The following SNRNP48 variants were observed in gnomAD, a reference collection of about 807,000 sequenced individuals.
SNRNP48 encodes small nuclear ribonucleoprotein U11/U12 subunit 48, also known as U11/U12 small nuclear ribonucleoprotein 48 kDa protein.
A neutral mutation model predicts 47.0 loss-of-function variants in SNRNP48; 43 were observed. The ratio of observed to expected loss-of-function variants is 0.92; its 90% CI spans 0.72 to 1.18. The LOEUF (loss-of-function observed/expected upper bound fraction) is 1.18. SNRNP48 is among the 50% of genes most tolerant of loss of function. SNRNP48 has a pLI of 0.00. For synonymous variants in SNRNP48, 138 were observed against 144.0 expected, an observed-to-expected ratio of 0.96 and a Z score of 0.30; for missense variants, 396 against 422.2, an observed-to-expected ratio of 0.94 and a Z score of 0.54.
At chr6:7,594,919 G>A in intron 3 of SNRNP48, 108 bp from the exon 4 acceptor site, 2 of 820,688 alleles carry the variant, frequency 2.4e-6, no homozygotes, top group Non-Finnish European at 3.8e-6. Flanking sequence ...TAAGATTCTG[G>A]AAGGTTTGTC....
At chr6:7,599,745 T>C in intron 4 of SNRNP48, 1 of 1,278,106 alleles carries the variant, frequency 7.8e-7, no homozygotes, top group Non-Finnish European at 1.0e-6. Flanking sequence ...AGTATCCTTT[T>C]TGCAAATGAT....
In SNRNP48 at chr6:7,595,072, T is replaced by C. The variant is rs564826028; in HGVS notation, c.377T>C (p.Val126Ala). 1.7e-5 allele frequency: 27 copies of C among 1,598,908 alleles called. No individual in the cohort carries two copies. The East Asian group carries it at 3.0e-4, about 17-fold the overall frequency. The change falls in exon 4 of 9, where the codon GTT becomes GCT. Residue 126 changes from valine (V) to alanine (A), a missense_variant. Val to Ala is a moderately conservative substitution (Grantham distance 64, BLOSUM62 0). Coordinates refer to ENST00000342415, the MANE Select transcript of SNRNP48 (RefSeq NM_152551.4). ...FQIIKQARTA[V>A]GKDSDCYNQR... ...ATAATTAAACAAGCTAGAACTGCAG[T>C]TGGGAAAGACAGTGATTGTTATAAT...
At chr6:7,603,431 C>T (rs1002761991) in intron 6 of SNRNP48, among the ~76,000 whole-genome samples, 20 of 152,066 alleles carry the variant, frequency 1.3e-4, no homozygotes, top group African/African-American at 3.6e-4. Flanking sequence ...TAATTGTTCC[C>T]GTATTATTTC....
chr6:7,590,250 C>G lies in SNRNP48; in HGVS notation c.-8C>G, dbSNP rs766479619. The G allele has an allele frequency of 7.7e-6, 10 of 1,307,128 alleles. No individual in the cohort carries two copies. Among genetic ancestry groups the G allele is most frequent in the Non-Finnish European group, 9.8e-6 (10 of 1,019,900 alleles). 81.0% of individuals were successfully genotyped at this position (1,307,128 alleles called of 1,614,324 possible). A position where few individuals can be genotyped will look rare whatever the true frequency, so the allele number is the denominator to read the frequency against. ...CGGCCGCTTCCTCTTGGCGGGTGGG[C>G]TGCAGCTATGGAGGGCGAGCCTCCA... On this transcript the variant is annotated 5_prime_UTR_variant, in exon 1 of 9. Coordinates refer to ENST00000342415, the MANE Select transcript of SNRNP48 (RefSeq NM_152551.4).
chr6:7,594,494 T>G (rs781248207), intron 3 of SNRNP48, among the ~76,000 whole-genome samples: 2 of 152,152 alleles, frequency 1.3e-5, no homozygotes, highest in Non-Finnish European at 2.9e-5. Context: ...TGACAGCATA[T>G]ATAGAGGTTA....
chr6:7,593,079 G>C (rs1011204980), intron 1 of SNRNP48, among the ~76,000 whole-genome samples: 25 of 152,120 alleles, frequency 1.6e-4, no homozygotes, highest in Middle Eastern at 3.4e-3. Flanking sequence ...AGAGAAACAA[G>C]GTTTAAAGAT....
chr6:7,591,995 G>T (rs1759827138), intron 1 of SNRNP48, among the ~76,000 whole-genome samples: 1 of 152,110 alleles, frequency 6.6e-6, no homozygotes, highest in African/African-American at 2.4e-5. Flanking sequence ...AGAGCTTATT[G>T]TCTGGTGGTG....
intron 1 of SNRNP48, among the ~76,000 whole-genome samples, chr6:7,592,527 A>T (rs2113713010): frequency 6.6e-6 from 1 of 152,312 alleles, no homozygotes; most frequent in African/African-American, 2.4e-5. Flanking sequence ...CTTTATGTGT[A>T]TAAACTTTGG....
intron 3 of SNRNP48, among the ~76,000 whole-genome samples, chr6:7,594,385 A>G (rs1300716577): frequency 6.6e-6 from 1 of 152,198 alleles, no homozygotes; most frequent in Non-Finnish European, 1.5e-5. Context: ...AAAGCTTTGT[A>G]TAGTAGAGCA....
intron 1 of SNRNP48, among the ~76,000 whole-genome samples, chr6:7,593,292 G>A (rs1339244301): frequency 6.6e-6 from 1 of 152,090 alleles, no homozygotes; most frequent in East Asian, 1.9e-4. Context: ...GAGGTAGAAA[G>A]AACATGAGGG....
chr6:7,602,376 G>A (rs2806219), intron 5 of SNRNP48, among the ~76,000 whole-genome samples: 105,833 of 152,032 alleles, frequency 0.7, 37,327 homozygotes, highest in African/African-American at 0.82. Flanking sequence ...TTCTTTCTGT[G>A]AAAATATTAC....
In SNRNP48 at chr6:7,606,053, T is replaced by TC; in HGVS notation, c.830dup (p.Val278SerfsTer14). 1 of 1,603,154 alleles carries TC rather than the reference T, an allele frequency of 6.2e-7. No individual in the cohort carries two copies. The highest frequency in any genetic ancestry group is 1.1e-5 in the South Asian group (1 of 88,932). ...TAGGAATGAAGAAAGGCGATCAGCT[T>TC]CAGTAGATTCACGGCAGTCTGGTGG... On this transcript the variant is annotated frameshift_variant, in exon 8 of 9. Coordinates refer to ENST00000342415, the MANE Select transcript of SNRNP48 (RefSeq NM_152551.4). LOFTEE classifies it high-confidence loss of function.
intron 5 of SNRNP48, 27 bp from the exon 6 acceptor site, chr6:7,602,596 A>G: frequency 1.3e-6 from 2 of 1,523,744 alleles, no homozygotes; most frequent in Non-Finnish European, 1.8e-6. Flanking sequence ...TGAAGGATAT[A>G]ATACTTTTAT....
chr6:7,591,126 G>A (rs1451502113), intron 1 of SNRNP48, among the ~76,000 whole-genome samples: 2 of 152,342 alleles, frequency 1.3e-5, no homozygotes, highest in South Asian at 2.1e-4. Flanking sequence ...GGATTCCGCA[G>A]TTGCACCAGA....
intron 5 of SNRNP48, 69 bp downstream of exon 5, chr6:7,601,593 A>G: frequency 7.3e-6 from 10 of 1,378,532 alleles, no homozygotes; most frequent in Non-Finnish European, 9.5e-6. Context: ...TATTAAGATG[A>G]TTTAATTCTT....
intron 4 of SNRNP48, among the ~76,000 whole-genome samples, chr6:7,599,388 A>G (rs974323306): frequency 2.6e-5 from 4 of 152,312 alleles, no homozygotes; most frequent in Middle Eastern, 3.4e-3. Flanking sequence ...GTCTCTGAAC[A>G]GTACACTGAA....
intron 6 of SNRNP48, 58 bp from the exon 7 acceptor site, chr6:7,605,340 C>T: frequency 1.5e-6 from 2 of 1,321,458 alleles, no homozygotes; most frequent in East Asian, 4.6e-5. Flanking sequence ...TCTAGCGTTA[C>T]AGTCTTAATT....
intron 4 of SNRNP48, chr6:7,599,952 C>G: frequency 9.9e-7 from 1 of 1,013,256 alleles, no homozygotes; most frequent in Non-Finnish European, 1.2e-6. Context: ...AAATAACAGG[C>G]AAAGGTTTAT....
chr6:7,596,122 G>A (rs771799238), intron 4 of SNRNP48, among the ~76,000 whole-genome samples: 3 of 151,980 alleles, frequency 2.0e-5, no homozygotes, highest in Admixed American at 6.6e-5. Flanking sequence ...AAAATTAGCC[G>A]GGCATGGTGG....
Sources: allele counts gnomAD v4.1 joint callset (sites outside exome capture counted in the v4.1 genomes callset), GRCh38; gene constraint gnomAD v4.1.1; transcripts MANE v1.5; gene names NCBI Gene and HGNC (gene_info 2026-07-23, HGNC 2026-07-21).